MED13L: variants seen among roughly 807,000 people sequenced by gnomAD.
MED13L encodes the protein mediator complex subunit 13L.
A neutral mutation model predicts 220.9 loss-of-function variants in MED13L; 7 were observed. The ratio of observed to expected loss-of-function variants is 0.03; its 90% CI spans 0.02 to 0.06. The LOEUF (loss-of-function observed/expected upper bound fraction) is 0.06. Among genes scored for constraint, MED13L ranks in the 10% least tolerant of loss-of-function variants. The probability of loss-of-function intolerance (pLI) is 1.00; values close to 1 mark genes in which losing one functional copy is unlikely to be tolerated. For synonymous variants in MED13L, 1,011 were observed against 1,015.2 expected (o/e 1.00, Z 0.08); for missense variants, 1,965 against 2,760.5 (o/e 0.71, Z 6.46).
chr12:116,206,400 A>G (rs1008208023), intron 2 of MED13L, among the ~76,000 whole-genome samples: 11 of 152,168 alleles, frequency 7.2e-5, no homozygotes, highest in Non-Finnish European at 8.8e-5. Context: ...CAAGCTAACA[A>G]AGCCAAACTG....
At chr12:116,085,608 T>C (rs774059115) in intron 4 of MED13L, among the ~76,000 whole-genome samples, 6 of 151,714 alleles carry the variant, frequency 4.0e-5, no homozygotes, top group Non-Finnish European at 7.4e-5. Flanking sequence ...AGATCCTGAG[T>C]AGAAAAAAAG....
intron 2 of MED13L, among the ~76,000 whole-genome samples, chr12:116,175,304 C>G (rs1284394068): frequency 6.6e-6 from 1 of 151,924 alleles, no homozygotes; most frequent in Non-Finnish European, 1.5e-5. Context: ...TTCCTGAGTC[C>G]CCTATTATGT....
At chr12:115,975,341 A>G (rs1456418028) in intron 24 of MED13L, 28 bp from the exon 25 acceptor site, 13 of 1,613,984 alleles carry the variant, frequency 8.1e-6, no homozygotes, top group Admixed American at 1.7e-5. Flanking sequence ...GGGGAAGGGG[A>G]AGGGGTCCCT....
In MED13L at chr12:116,019,300, C is replaced by A; in HGVS notation, c.933G>T (p.Gly311=). 3 of 1,614,036 alleles carry A rather than the reference C, an allele frequency of 1.9e-6. No homozygotes were observed. Among genetic ancestry groups the A allele is most frequent in the Non-Finnish European group, 1.7e-6 (2 of 1,179,946 alleles). The part of the protein sequence containing the change: ...AGGHIAVGQQ[G]LGSVKDPSNC... ...TACTTGGGTCCTTCACACTACCAAGCCCTTGCTGCCCAACTGCAATGTGGC... is the reference window on the plus strand; with the variant it reads ...TACTTGGGTCCTTCACACTACCAAGACCTTGCTGCCCAACTGCAATGTGGC... The change falls in exon 7 of 31, where the codon GGG becomes GGT. Residue 311 remains glycine (G), a synonymous_variant. Transcript: ENST00000281928.
At chr12:116,060,303 C>G (rs991431564) in intron 4 of MED13L, among the ~76,000 whole-genome samples, 12 of 151,958 alleles carry the variant, frequency 7.9e-5, no homozygotes, top group African/African-American at 2.7e-4. Context: ...ACAGGCCGGG[C>G]GTGGTAACTC....
chr12:116,195,600 C>T (rs1447619053), intron 2 of MED13L, among the ~76,000 whole-genome samples: 3 of 151,894 alleles, frequency 2.0e-5, no homozygotes, highest in Admixed American at 6.6e-5. Flanking sequence ...TACAGGTGTG[C>T]GCTACCACAC....
intron 1 of MED13L, among the ~76,000 whole-genome samples, chr12:116,270,414 G>A (rs1328771629): frequency 6.6e-6 from 1 of 152,014 alleles, no homozygotes; most frequent in African/African-American, 2.4e-5. Context: ...CAAAGTGATG[G>A]GATTACAGGC....
chr12:115,995,998 T>C (rs536706369), intron 16 of MED13L, among the ~76,000 whole-genome samples: 4 of 152,306 alleles, frequency 2.6e-5, no homozygotes, highest in East Asian at 3.9e-4. Flanking sequence ...TAGAAAATAA[T>C]GCACATTTTC....
chr12:116,088,372 C>T (rs1055033891), intron 4 of MED13L, among the ~76,000 whole-genome samples: 10 of 152,198 alleles, frequency 6.6e-5, no homozygotes, highest in African/African-American at 2.2e-4. Flanking sequence ...ACACTATGTG[C>T]ATGGTGCAGG....
At chr12:116,241,476 C>G (rs907870589) in intron 1 of MED13L, among the ~76,000 whole-genome samples, 12 of 152,046 alleles carry the variant, frequency 7.9e-5, no homozygotes, top group African/African-American at 2.9e-4. Flanking sequence ...AATCTATGCA[C>G]GGTAATTTAC....
rs369973757 is a variant in MED13L, at chr12:116,009,009, T to C, written c.1404A>G (p.Lys468=). ...SLPPPASSKH[K]TAERQEKGDK... ...CTCCTTTTTCCTGTCTTTCTGCTGTTTTGTGCTTAGAAGAAGCAGGAGGTG... is the reference window on the plus strand; with the variant it reads ...CTCCTTTTTCCTGTCTTTCTGCTGTCTTGTGCTTAGAAGAAGCAGGAGGTG... Residue 468 remains lysine, a synonymous_variant, in exon 10 of 31, where the codon AAA becomes AAG. Coordinates refer to ENST00000281928, the MANE Select transcript of MED13L (RefSeq NM_015335.5). The C allele has an allele frequency of 6.2e-7, 1 of 1,613,970 alleles. No homozygotes were observed. The highest frequency in any genetic ancestry group is 1.3e-5 in the African/African-American group (1 of 74,900).
At chr12:116,247,829 T>C (rs1593206948) in intron 1 of MED13L, among the ~76,000 whole-genome samples, 1 of 152,326 alleles carries the variant, frequency 6.6e-6, no homozygotes, top group East Asian at 1.9e-4. Flanking sequence ...ATAGCGTAAG[T>C]ATAAGGGCTC....
intron 2 of MED13L, among the ~76,000 whole-genome samples, chr12:116,129,136 T>C (rs1018007016): frequency 5.9e-5 from 9 of 152,320 alleles, no homozygotes; most frequent in Admixed American, 3.3e-4. Context: ...TTATTTTTAA[T>C]AAAGTATAAC....
chr12:116,272,041 A>C (rs1041393755), intron 1 of MED13L, among the ~76,000 whole-genome samples: 1 of 152,186 alleles, frequency 6.6e-6, no homozygotes, highest in Non-Finnish European at 1.5e-5. Flanking sequence ...CAAAGTTGAG[A>C]GACAGCTGAA....
At chr12:116,208,793 C>G (rs975489857) in intron 2 of MED13L, among the ~76,000 whole-genome samples, 1 of 152,168 alleles carries the variant, frequency 6.6e-6, no homozygotes. Context: ...TAGCAAGATC[C>G]TGTCCCTACC....
At chr12:116,024,582 T>C (rs1173008793) in intron 4 of MED13L, among the ~76,000 whole-genome samples, 1 of 152,146 alleles carries the variant, frequency 6.6e-6, no homozygotes, top group African/African-American at 2.4e-5. Context: ...TGGGTTACCC[T>C]TTCACTCTGT....
At chr12:116,269,466 C>CAAAAAAAAAAAAAAAAAA (rs34100053) in intron 1 of MED13L, among the ~76,000 whole-genome samples, 11 of 69,136 alleles carry the variant, frequency 1.6e-4, no homozygotes, top group South Asian at 6.0e-4. Flanking sequence ...TTAAACTATG[C>CAAAAAAAAAAAAAAAAAA]AAAAAAAAAA....
chr12:116,226,129 C>G (rs910520708), intron 2 of MED13L, among the ~76,000 whole-genome samples: 3 of 142,938 alleles, frequency 2.1e-5, no homozygotes, highest in Admixed American at 1.4e-4. Flanking sequence ...GGGTATTATT[C>G]TACCACAATA....
chr12:116,092,086 G>A (rs776536517), intron 4 of MED13L, among the ~76,000 whole-genome samples: 14 of 152,218 alleles, frequency 9.2e-5, no homozygotes, highest in Non-Finnish European at 1.8e-4. Flanking sequence ...GCATGATTAT[G>A]TAAGTCCAAA....
Sources: gnomAD v4.1 joint callset for allele counts (sites outside exome capture counted in the v4.1 genomes callset) on GRCh38, gnomAD v4.1.1 for gene constraint, MANE v1.5 for transcripts, NCBI Gene and HGNC (gene_info 2026-07-23, HGNC 2026-07-21) for gene names.